The following CACNB4 variants were observed in gnomAD, a reference collection of about 807,000 sequenced individuals.
CACNB4 encodes the protein voltage-dependent L-type calcium channel subunit beta-4.
CACNB4 carries 32 observed loss-of-function variants against 71.2 expected under a neutral mutation model. The observed-to-expected ratio is 0.45, with a 90% CI of 0.34 to 0.60. CACNB4 has a LOEUF of 0.60. Ranked by LOEUF, CACNB4 falls within the 20% of genes least tolerant of loss-of-function variation. The pLI, the probability that CACNB4 is intolerant of heterozygous loss-of-function variation, is 0.01. For missense variants in CACNB4, 464 were observed against 647.9 expected (o/e 0.72, Z 3.08); for synonymous variants, 231 against 236.9 (o/e 0.97, Z 0.23).
chr2:152,018,014 G>T (rs1287275936), intron 2 of CACNB4, among the ~76,000 whole-genome samples: 1 of 151,838 alleles, frequency 6.6e-6, no homozygotes, highest in Non-Finnish European at 1.5e-5. Context: ...TGTAATTTTA[G>T]TAGAGACGGG....
intron 2 of CACNB4, among the ~76,000 whole-genome samples, chr2:152,063,833 G>T (rs1054603700): frequency 1.7e-4 from 26 of 152,196 alleles, no homozygotes; most frequent in Admixed American, 5.2e-4. Flanking sequence ...AGAATGAAAA[G>T]CCAGTTTTGC....
chr2:151,887,350 A>G (rs2099849616), intron 2 of CACNB4, among the ~76,000 whole-genome samples: 1 of 151,940 alleles, frequency 6.6e-6, no homozygotes. Flanking sequence ...AAGTCATACC[A>G]TGTAGTGATA....
chr2:151,860,919 A>G (rs1406587000), intron 9 of CACNB4, 99 bp from the exon 10 acceptor site: 2 of 755,478 alleles, frequency 2.6e-6, no homozygotes, highest in Non-Finnish European at 4.7e-6. Context: ...TTTACATGCT[A>G]CAGGGGAACC....
chr2:152,051,413 G>A (rs1399301389), intron 2 of CACNB4, among the ~76,000 whole-genome samples: 1 of 152,102 alleles, frequency 6.6e-6, no homozygotes, highest in African/African-American at 2.4e-5. Context: ...ACTTGGTATG[G>A]ACTGAATATG....
intron 2 of CACNB4, among the ~76,000 whole-genome samples, chr2:151,914,190 T>C (rs1309358958): frequency 6.6e-6 from 1 of 152,180 alleles, no homozygotes; most frequent in Non-Finnish European, 1.5e-5. Flanking sequence ...TTCTCTCTAT[T>C]CTTGTCTGCA....
At chr2:152,008,103 T>A (rs1337512714) in intron 2 of CACNB4, among the ~76,000 whole-genome samples, 2 of 152,010 alleles carry the variant, frequency 1.3e-5, no homozygotes, top group Non-Finnish European at 1.5e-5. Flanking sequence ...ACTCCTGTAC[T>A]CTTTTCCACA....
chr2:151,863,741 A>C (rs113883049), intron 9 of CACNB4, among the ~76,000 whole-genome samples: 254 of 152,352 alleles, frequency 1.7e-3, no homozygotes, highest in African/African-American at 5.8e-3. Context: ...AATTCAGAAA[A>C]AAACCTTTTC....
chr2:151,868,157 AAT>A (rs2099843659), intron 9 of CACNB4: 1 of 152,216 alleles, frequency 6.6e-6, no homozygotes, highest in South Asian at 2.1e-4. Flanking sequence ...TTTTATTCTT[AAT>A]ATACCAATTT....
intron 2 of CACNB4, among the ~76,000 whole-genome samples, chr2:151,946,395 G>C (rs1300528335): frequency 6.6e-6 from 1 of 151,452 alleles, no homozygotes; most frequent in Non-Finnish European, 1.5e-5. Context: ...TGGGACTTCA[G>C]TGTTTCCCAG....
chr2:152,004,521 C>T (rs572147851), intron 2 of CACNB4, among the ~76,000 whole-genome samples: 1 of 119,030 alleles, frequency 8.4e-6, no homozygotes, highest in East Asian at 2.4e-4. Flanking sequence ...GTCCCCCCTA[C>T]TTTACATACA....
At chr2:151,909,133 T>TA (rs1338824706) in intron 2 of CACNB4, among the ~76,000 whole-genome samples, 1 of 148,166 alleles carries the variant, frequency 6.7e-6, no homozygotes, top group East Asian at 1.9e-4. Flanking sequence ...ATTTCTTCTT[T>TA]AAAAAAGAGG....
chr2:151,839,749 T>C (rs796668085), intron 13 of CACNB4, among the ~76,000 whole-genome samples: 1 of 152,236 alleles, frequency 6.6e-6, no homozygotes, highest in East Asian at 1.9e-4. Flanking sequence ...AAGTTCAGAA[T>C]AGCATTTATT....
intron 2 of CACNB4, among the ~76,000 whole-genome samples, chr2:152,008,459 G>A (rs1682857241): frequency 6.6e-6 from 1 of 151,812 alleles, no homozygotes; most frequent in African/African-American, 2.4e-5. Context: ...GCTAATTTTT[G>A]TATTTTTAGT....
At chr2:152,039,988 A>G (rs1237478525) in intron 2 of CACNB4, among the ~76,000 whole-genome samples, 1 of 152,402 alleles carries the variant, frequency 6.6e-6, no homozygotes, top group East Asian at 1.9e-4. Context: ...GGCAATGAGT[A>G]TACTTTATAT....
At position 152,098,807 on chromosome 2, in the gene CACNB4, G is replaced by A. The variant is rs1688432287; in HGVS notation, c.63+142C>T. ...GAGCGGGAGGAGAAAGGGACGTGGAGGAGGGGTGGGGGGAGCGGGGCCGCC... is the reference window on the plus strand; with the variant it reads ...GAGCGGGAGGAGAAAGGGACGTGGAAGAGGGGTGGGGGGAGCGGGGCCGCC... On this transcript the variant is annotated intron_variant, in intron 1 of 13. Coordinates refer to ENST00000539935, the MANE Select transcript of CACNB4 (RefSeq NM_000726.5). This position sits in a 1 kb window ranked among gnomAD's most constrained non-coding sequence, Gnocchi z 5.3. 3.8e-6 allele frequency: 4 copies of A among 1,039,758 alleles called. No individual in the cohort carries two copies. Among genetic ancestry groups the A allele is most frequent in the South Asian group, 3.2e-5 (2 of 61,706 alleles). The allele number at this position is 1,039,758 out of a possible 1,614,324, so 64.4% of individuals were successfully genotyped here. A position where few individuals can be genotyped will look rare whatever the true frequency, so the allele number is the denominator to read the frequency against.
In CACNB4 at chr2:152,085,440, T is replaced by C. The variant is rs184654128; in HGVS notation, c.147+12890A>G. Reference sequence around the variant, plus strand: ...AGGCTGCTTGTTAACCCAAATCATCTTGGAACTGTCTGAACTTCAGACAGT... The same window carrying C: ...AGGCTGCTTGTTAACCCAAATCATCCTGGAACTGTCTGAACTTCAGACAGT... On this transcript the variant is annotated intron_variant, in intron 2 of 13. Transcript: ENST00000539935. Among the ~76,000 whole-genome samples the C allele has an allele frequency of 2.4e-3, 362 of 152,242 alleles. 4 individuals carry two copies. The highest frequency in any genetic ancestry group is 2.2e-3 in the Non-Finnish European group (147 of 68,006).
chr2:151,871,064 C>G, intron 6 of CACNB4: 1 of 593,612 alleles, frequency 1.7e-6, no homozygotes, highest in Non-Finnish European at 3.0e-6. Context: ...ACAGCTTCCT[C>G]CCTGGTACAA....
chr2:152,065,115 C>G (rs1362745880), intron 2 of CACNB4, among the ~76,000 whole-genome samples: 1 of 152,108 alleles, frequency 6.6e-6, no homozygotes, highest in South Asian at 2.1e-4. Flanking sequence ...CAGAATAGTT[C>G]CAACTTTAAG....
chr2:152,019,008 T>C (rs528047492), intron 2 of CACNB4, among the ~76,000 whole-genome samples: 96 of 152,136 alleles, frequency 6.3e-4, no homozygotes, highest in African/African-American at 2.2e-3. Context: ...TGGTTAGTGA[T>C]TGGTATCTGG....
Sources: allele counts gnomAD v4.1 joint callset (sites outside exome capture counted in the v4.1 genomes callset), GRCh38; gene constraint gnomAD v4.1.1; non-coding constraint Gnocchi (gnomAD v3.1); transcripts MANE v1.5; gene names NCBI Gene and HGNC (gene_info 2026-07-23, HGNC 2026-07-21).